STK32C: variants seen among roughly 807,000 people sequenced by gnomAD.
STK32C encodes the protein serine/threonine kinase 32C.
A neutral mutation model predicts 56.5 loss-of-function variants in STK32C; 31 were observed. The ratio of observed to expected loss-of-function variants is 0.55; its 90% CI spans 0.41 to 0.74. STK32C has a LOEUF of 0.74. Ranked by LOEUF, STK32C falls within the 30% of genes least tolerant of loss-of-function variation. The pLI, the probability that STK32C is intolerant of heterozygous loss-of-function variation, is 0.00. For synonymous variants in STK32C, 309 were observed against 289.4 expected (o/e 1.07, Z -0.69); for missense variants, 544 against 676.9 (o/e 0.80, Z 2.18).
chr10:132,270,917 C>A (rs573507628), intron 1 of STK32C, among the ~76,000 whole-genome samples: 8 of 150,726 alleles, frequency 5.3e-5, no homozygotes, highest in African/African-American at 2.0e-4. Flanking sequence ...GATGCAGCCC[C>A]CCTCCAGAGC....
intron 1 of STK32C, among the ~76,000 whole-genome samples, chr10:132,290,784 G>C (rs573221339): frequency 6.6e-6 from 1 of 152,118 alleles, no homozygotes; most frequent in East Asian, 1.9e-4. Flanking sequence ...TCATACCCAA[G>C]GCCACCACAT....
At chr10:132,212,736 C>G (rs1282071947) in intron 10 of STK32C, among the ~76,000 whole-genome samples, 11 of 152,274 alleles carry the variant, frequency 7.2e-5, no homozygotes, top group Admixed American at 7.2e-4. Flanking sequence ...GCAAGGACTT[C>G]TGGCTTCTGC....
rs1434330021 is a variant in STK32C, at chr10:132,307,939, G to A, written c.-106C>T. On this transcript the variant is annotated 5_prime_UTR_variant, in exon 1 of 12. It adds an upstream start codon to the 5' untranslated region. Coordinates refer to ENST00000298630, the MANE Select transcript of STK32C (RefSeq NM_173575.4). This position sits in a 1 kb window ranked among gnomAD's most constrained non-coding sequence, Gnocchi z 4.4. ...GCGCTCGGGGCCGGCAGCGCCCGCC[G>A]TGCGCTCTTCTGGGCGGTGGAACCC... is the stretch of plus-strand genomic sequence containing the variant. 6 of 1,067,764 alleles carry A rather than the reference G, an allele frequency of 5.6e-6. No homozygotes were observed. Among genetic ancestry groups the A allele is most frequent in the Non-Finnish European group, 6.8e-6 (6 of 883,024 alleles). The allele number at this position is 1,067,764 out of a possible 1,614,324, so 66.1% of individuals were successfully genotyped here. A position where few individuals can be genotyped will look rare whatever the true frequency, so the allele number is the denominator to read the frequency against.
rs575463557 is a variant in STK32C, at chr10:132,254,307, CAG to C, written c.263-8354_263-8353del. Among the ~76,000 whole-genome samples the C allele has an allele frequency of 2.2e-3, 342 of 152,154 alleles. No homozygotes were observed. The Middle Eastern group carries it at 0.024, about 11-fold the overall frequency. ...CTGGGCAAAAAGGGCGAAACTCCAT[CAG>C]GGGAGAAAAAAACAACAAAAAAAAA... On this transcript the variant is annotated intron_variant, in intron 1 of 11. Coordinates refer to ENST00000298630, the MANE Select transcript of STK32C (RefSeq NM_173575.4).
chr10:132,235,101 G>A (rs189118692), intron 2 of STK32C, among the ~76,000 whole-genome samples: 29 of 152,332 alleles, frequency 1.9e-4, no homozygotes, highest in Admixed American at 5.2e-4. Context: ...TGTGAGTGGT[G>A]TGAGCTGTGT....
At chr10:132,249,031 T>G (rs1302153604) in intron 1 of STK32C, 1 of 473,422 alleles carries the variant, frequency 2.1e-6, no homozygotes, top group East Asian at 6.4e-5. Flanking sequence ...CCTGCACACC[T>G]GCAAAGCCTC....
chr10:132,250,778 G>A (rs964924411), intron 1 of STK32C, among the ~76,000 whole-genome samples: 7 of 152,242 alleles, frequency 4.6e-5, no homozygotes, highest in East Asian at 1.9e-4. Context: ...TCGGCAGCAC[G>A]GAAGTCGGAG....
chr10:132,310,071 C>T (rs1247626188), upstream of STK32C, among the ~76,000 whole-genome samples: 3 of 152,200 alleles, frequency 2.0e-5, no homozygotes, highest in East Asian at 5.8e-4. This position sits in a 1 kb window ranked among gnomAD's most constrained non-coding sequence, Gnocchi z 4.6. Context: ...GATGGACAGT[C>T]CTCTGGTCTG....
intron 2 of STK32C, among the ~76,000 whole-genome samples, chr10:132,234,933 A>G (rs1590209115): frequency 6.6e-6 from 1 of 152,210 alleles, no homozygotes; most frequent in African/African-American, 2.4e-5. Flanking sequence ...CTGTGAAGGG[A>G]CCTAGGGCAG....
chr10:132,250,554 G>A (rs1295929967), intron 1 of STK32C, among the ~76,000 whole-genome samples: 1 of 135,822 alleles, frequency 7.4e-6, no homozygotes, highest in Non-Finnish European at 1.6e-5. Flanking sequence ...CTGCAGAGAG[G>A]AGAGGGCAGG....
chr10:132,215,301 A>C (rs1397904014), intron 10 of STK32C, among the ~76,000 whole-genome samples: 2 of 151,952 alleles, frequency 1.3e-5, no homozygotes, highest in Non-Finnish European at 2.9e-5. Context: ...ATGCCTGCCT[A>C]ATTTTTTTGT....
chr10:132,297,426 A>G (rs2065783729), intron 1 of STK32C, among the ~76,000 whole-genome samples: 1 of 152,110 alleles, frequency 6.6e-6, no homozygotes, highest in Admixed American at 6.5e-5. Flanking sequence ...CAGCCCCACC[A>G]GGGGCCACGC....
At chr10:132,331,642 A>G (rs539749706) in exon 1 of STK32C, 1 of 1,612,884 alleles carries the variant, frequency 6.2e-7, no homozygotes, top group Non-Finnish European at 8.5e-7. Flanking sequence ...ACCGCTCCAA[A>G]GGTGGTGCCT....
At chr10:132,308,575 G>T (rs1336593538), upstream of STK32C, among the ~76,000 whole-genome samples, 1 of 151,938 alleles carries the variant, frequency 6.6e-6, no homozygotes, top group Non-Finnish European at 1.5e-5. Context: ...CAGAGGGTGG[G>T]GTGGGGCAGG....
chr10:132,248,100 C>T (rs1246994393), intron 1 of STK32C, among the ~76,000 whole-genome samples: 5 of 151,994 alleles, frequency 3.3e-5, no homozygotes, highest in Admixed American at 1.3e-4. Flanking sequence ...ATTATGTCAT[C>T]GAGGCAGAGG....
rs137968970 is a variant in STK32C, at chr10:132,225,818, G to GA, written c.645-35dup. On this transcript the variant is annotated intron_variant, in intron 4 of 11. Coordinates refer to ENST00000298630, the MANE Select transcript of STK32C (RefSeq NM_173575.4). ...AGCAGAAAGTGGGAAGGTGAGTTGG[G>GA]AATCTGCCCTGTTTCTGCCCTGGAA... 7,727 of 1,613,482 alleles carry GA rather than the reference G, an allele frequency of 4.8e-3. 296 individuals are homozygous for GA. The African/African-American group carries it at 0.086, about 18-fold the overall frequency.
intron 1 of STK32C, among the ~76,000 whole-genome samples, chr10:132,301,354 C>A (rs2065906046): frequency 6.6e-6 from 1 of 152,232 alleles, no homozygotes; most frequent in African/African-American, 2.4e-5. Context: ...AGGGCACAGG[C>A]CCTTACTTGA....
intron 2 of STK32C, among the ~76,000 whole-genome samples, chr10:132,237,360 T>C (rs1590216651): frequency 6.6e-6 from 1 of 152,324 alleles, no homozygotes; most frequent in East Asian, 1.9e-4. Flanking sequence ...TGCACACGCC[T>C]GTCGAGGGAA....
chr10:132,275,276 G>A (rs994407155), intron 1 of STK32C, among the ~76,000 whole-genome samples: 7 of 152,194 alleles, frequency 4.6e-5, no homozygotes, highest in Non-Finnish European at 7.3e-5. Context: ...CCACAGGGCC[G>A]CTGGTGGGGG....
Sources: allele counts gnomAD v4.1 joint callset (sites outside exome capture counted in the v4.1 genomes callset), GRCh38; gene constraint gnomAD v4.1.1; non-coding constraint Gnocchi (gnomAD v3.1); transcripts MANE v1.5; gene names NCBI Gene and HGNC (gene_info 2026-07-23, HGNC 2026-07-21).